MSTO1: variants seen among roughly 807,000 people sequenced by gnomAD.
The protein encoded by MSTO1 is misato mitochondrial distribution and morphology regulator 1.
In MSTO1, 24 loss-of-function variants were observed where a neutral mutation model predicts 55.7. The observed-to-expected ratio is 0.43, with a 90% CI of 0.31 to 0.61. The LOEUF (loss-of-function observed/expected upper bound fraction) is 0.61, where lower values mean the gene tolerates loss of function less well. Among genes scored for constraint, MSTO1 ranks in the 20% least tolerant of loss-of-function variants. MSTO1 has a pLI of 0.09. For synonymous variants in MSTO1, 162 were observed against 252.8 expected (o/e 0.64, Z 3.41); for missense variants, 363 against 625.7 (o/e 0.58, Z 4.48).
the MSTO1 span, among the ~76,000 whole-genome samples, chr1:155,580,626 A>G: frequency 6.6e-6 from 1 of 152,100 alleles, no homozygotes; most frequent in African/African-American, 2.4e-5. Context: ...TTGTTTAAAG[A>G]AAGATAATTT....
At position 155,610,224 on chromosome 1, in the gene MSTO1, C is replaced by G. The variant is rs780021545; in HGVS notation, c.-25C>G. 4.9e-6 allele frequency: 3 copies of G among 608,150 alleles called. No individual in the cohort carries two copies. The highest frequency in any genetic ancestry group is 3.7e-5 in the African/African-American group (2 of 54,016). The allele number at this position is 608,150 out of a possible 1,614,324, so 37.7% of individuals were successfully genotyped here. On this transcript the variant is annotated 5_prime_UTR_variant, in exon 1 of 14. Transcript: ENST00000245564. ...AGCAGCGAGCGGCGCGGCTGAGGCG[C>G]GGCGGCCCCGTGGAGCAGCGCAGTA...
At chr1:155,588,154 A>T in the MSTO1 span, among the ~76,000 whole-genome samples, 2 of 149,284 alleles carry the variant, frequency 1.3e-5, no homozygotes, top group South Asian at 4.2e-4. Flanking sequence ...GGTTGCAGTG[A>T]GCCGTGACTG....
chr1:155,579,907 G>A, the MSTO1 span, among the ~76,000 whole-genome samples: 2 of 151,642 alleles, frequency 1.3e-5, no homozygotes, highest in East Asian at 1.9e-4. Flanking sequence ...GTGAAACCTC[G>A]TCTCTACTAA....
the MSTO1 span, among the ~76,000 whole-genome samples, chr1:155,573,937 G>A: frequency 6.6e-6 from 1 of 152,096 alleles, no homozygotes; most frequent in Admixed American, 6.6e-5. Context: ...TGAGATCGAT[G>A]TGGATATATT....
the MSTO1 span, among the ~76,000 whole-genome samples, chr1:155,585,405 T>C: frequency 2.0e-5 from 3 of 151,514 alleles, no homozygotes; most frequent in Non-Finnish European, 4.4e-5. Context: ...CACCTATAGT[T>C]CCAGCTGCTT....
the MSTO1 span, among the ~76,000 whole-genome samples, chr1:155,585,478 G>A: frequency 2.0e-5 from 3 of 148,350 alleles, no homozygotes; most frequent in Non-Finnish European, 4.4e-5. Context: ...AGCTGAGATC[G>A]CGCCACTGCA....
At chr1:155,612,668 C>T (rs1674508848) in intron 9 of MSTO1, 98 bp downstream of exon 9, 5 of 1,464,104 alleles carry the variant, frequency 3.4e-6, no homozygotes, top group South Asian at 2.6e-5. Flanking sequence ...TCTTGAGGCC[C>T]GAGCTTGAAC....
At chr1:155,611,856 A>T in intron 6 of MSTO1, 29 bp downstream of exon 6, 2 of 661,856 alleles carry the variant, frequency 3.0e-6, no homozygotes, top group Non-Finnish European at 4.8e-6. Context: ...CTTTGAGGCA[A>T]GAAACATGGG....
chr1:155,580,283 TG>T, the MSTO1 span, among the ~76,000 whole-genome samples: 1 of 150,946 alleles, frequency 6.6e-6, no homozygotes. Flanking sequence ...CCCAGCATGT[TG>T]GGAGATGGAG....
chr1:155,612,435 C>G lies in MSTO1; in HGVS notation c.831C>G (p.Ile277Met), dbSNP rs578188325. The G allele has an allele frequency of 5.0e-5, 81 of 1,613,262 alleles. 2 individuals carry two copies. The South Asian group carries it at 8.7e-4, about 17-fold the overall frequency. ...PYHRGEAQRN[I>M]YRLLNTAFGL... is the part of the protein sequence containing the mutation. Reference sequence around the variant, plus strand: ...TTCACCAGGAGGCCCAGAGAAACATCTATCGTCTATTAAACACAGCTTTTG... The same window carrying G: ...TTCACCAGGAGGCCCAGAGAAACATGTATCGTCTATTAAACACAGCTTTTG... The change falls in exon 9 of 14, where the codon ATC (isoleucine) becomes ATG (methionine). Residue 277 changes from isoleucine (I) to methionine (M), a missense_variant. By Grantham distance (10) the Ile-to-Met change is conservative. Transcript: ENST00000245564.
At chr1:155,599,906 T>G in the MSTO1 span, among the ~76,000 whole-genome samples, 80 of 152,374 alleles carry the variant, frequency 5.3e-4, no homozygotes, top group African/African-American at 1.8e-3. Flanking sequence ...GCTGCCCGCA[T>G]GTCCCACCTC....
chr1:155,590,462 T>C, the MSTO1 span: 3 of 480,708 alleles, frequency 6.2e-6, no homozygotes, highest in Non-Finnish European at 1.1e-5. Context: ...GTTCAGTTTT[T>C]AAATGAATTT....
chr1:155,588,207 C>A, the MSTO1 span, among the ~76,000 whole-genome samples: 158 of 95,700 alleles, frequency 1.7e-3, no homozygotes, highest in African/African-American at 4.5e-3. Flanking sequence ...GACTGTGTCT[C>A]AAAAAAAAAA....
the MSTO1 span, among the ~76,000 whole-genome samples, chr1:155,584,691 A>AG: frequency 1.9e-4 from 14 of 75,604 alleles, no homozygotes; most frequent in South Asian, 5.8e-4. Flanking sequence ...AAAAAAAAAA[A>AG]AAAGAAAGAA....
the MSTO1 span, among the ~76,000 whole-genome samples, chr1:155,587,617 G>T: frequency 6.6e-6 from 1 of 151,450 alleles, no homozygotes; most frequent in Non-Finnish European, 1.5e-5. Flanking sequence ...GGTGGCGGGC[G>T]CCTATAGTCC....
intron 11 of MSTO1, 72 bp downstream of exon 11, chr1:155,613,305 G>A: frequency 1.3e-6 from 2 of 1,583,060 alleles, no homozygotes; most frequent in Non-Finnish European, 1.7e-6. Context: ...AATTTCTCTG[G>A]GGCATTCTAA....
At chr1:155,609,235 ATATATATATTT>A (rs1673249986), upstream of MSTO1, among the ~76,000 whole-genome samples, 1 of 49,350 alleles carries the variant, frequency 2.0e-5, no homozygotes, top group African/African-American at 6.3e-5. Context: ...ATATATATAT[ATATATATATTT>A]TTTTTTTTTT....
the MSTO1 span, among the ~76,000 whole-genome samples, chr1:155,598,405 G>A: frequency 4.0e-5 from 6 of 151,144 alleles, no homozygotes; most frequent in Non-Finnish European, 7.4e-5. Flanking sequence ...GTGAGCCACC[G>A]CACCCGGCCA....
At chr1:155,590,339 G>T in the MSTO1 span, among the ~76,000 whole-genome samples, 17 of 152,056 alleles carry the variant, frequency 1.1e-4, no homozygotes, top group Non-Finnish European at 2.2e-4. Context: ...AGCTTGACTG[G>T]CTTCTAAAAT....
Sources: allele counts gnomAD v4.1 joint callset (sites outside exome capture counted in the v4.1 genomes callset), GRCh38; gene constraint gnomAD v4.1.1; transcripts MANE v1.5; gene names NCBI Gene and HGNC (gene_info 2026-07-23, HGNC 2026-07-21).